CKAP2L: variants seen among roughly 807,000 people sequenced by gnomAD.
CKAP2L encodes the protein cytoskeleton-associated protein 2-like.
A neutral mutation model predicts 65.7 loss-of-function variants in CKAP2L; 42 were observed. The observed-to-expected ratio is 0.64, with a 90% confidence interval of 0.50 to 0.83. CKAP2L has a LOEUF of 0.83. Ranked by LOEUF, CKAP2L falls within the 40% of genes least tolerant of loss-of-function variation. CKAP2L has a pLI of 0.00. For missense variants in CKAP2L, 908 were observed against 871.0 expected (o/e 1.04, Z -0.53); for synonymous variants, 325 against 313.5 (o/e 1.04, Z -0.39).
rs1293999931 is a variant in CKAP2L at position 112,756,172 on chromosome 2, C to A, written c.1199G>T (p.Gly400Val). 11 of 1,613,896 alleles carry A rather than the reference C, an allele frequency of 6.8e-6. No individual in the cohort carries two copies. The highest frequency in any genetic ancestry group is 1.3e-5 in the African/African-American group (1 of 74,896). Residue 400 changes from glycine (G) to valine (V), a missense_variant, in exon 4 of 9, where the codon GGA (glycine) becomes GTA (valine). Gly to Val is a moderately radical substitution (Grantham distance 109). Transcript: ENST00000302450. ...ATTGTTATGTTTATTACCACTGGTT[C>A]CATTTGGTCTTATGCTAGGGGTGCT... ...IPSTPSIRPNGTSGNKHNNNG... is the reference protein window; with the variant it reads ...IPSTPSIRPNVTSGNKHNNNG...
At chr2:112,740,015 T>A (rs1679786655) in intron 8 of CKAP2L, among the ~76,000 whole-genome samples, 1 of 152,148 alleles carries the variant, frequency 6.6e-6, no homozygotes, top group Non-Finnish European at 1.5e-5. Flanking sequence ...AGTGCAATGG[T>A]GCAATCTTGG....
At chr2:112,740,665 G>A (rs1256873440) in intron 8 of CKAP2L, among the ~76,000 whole-genome samples, 153 bp downstream of exon 8, 2 of 152,080 alleles carry the variant, frequency 1.3e-5, no homozygotes, top group South Asian at 2.1e-4. Flanking sequence ...ACCATAGGAC[G>A]GGGGTGAATG....
chr2:112,756,541 G>A lies in CKAP2L; in HGVS notation c.830C>T (p.Thr277Met), dbSNP rs1452096705. ...LARPGVKPSR[T>M]VPSHFIRTLS... ...GGTCCGAATAAAGTGAGAGGGAACC[G>A]TCCTTGAGGGTTTTACTCCTGGTCT... The change falls in exon 4 of 9, where the codon ACG (threonine) becomes ATG (methionine). Residue 277 changes from threonine to methionine, a missense_variant. Thr to Met is a moderately conservative substitution (Grantham distance 81). Transcript: ENST00000302450. The A allele has an allele frequency of 1.6e-5, 26 of 1,610,014 alleles. No homozygotes were observed. Among genetic ancestry groups the A allele is most frequent in the Middle Eastern group, 3.3e-4 (2 of 6,020 alleles).
Position 112,742,352 on chromosome 2 carries a change from T to C in CKAP2L, c.1822+354A>G, listed in dbSNP as rs555508962. The stretch of plus-strand genomic sequence containing the variant: ...AGCGTAACACAAATTTAGATGAGTA[T>C]GTTGGTGGGTTTATTATGATTAAAC... On this transcript the variant is annotated intron_variant, in intron 7 of 8. Coordinates refer to ENST00000302450, the MANE Select transcript of CKAP2L (RefSeq NM_152515.5). 57 of 716,874 alleles carry C rather than the reference T, an allele frequency of 8.0e-5. No individual in the cohort carries two copies. In the East Asian group the frequency reaches 1.5e-3, roughly 19 times the overall value. The allele number at this position is 716,874 out of a possible 1,614,324, so 44.4% of individuals were successfully genotyped here. A position where few individuals can be genotyped will look rare whatever the true frequency, so the allele number is the denominator to read the frequency against.
chr2:112,740,554 C>A (rs1679854469), intron 8 of CKAP2L, among the ~76,000 whole-genome samples: 1 of 152,200 alleles, frequency 6.6e-6, no homozygotes, highest in Non-Finnish European at 1.5e-5. Flanking sequence ...ACTTTGTGCC[C>A]CATCTTATCA....
chr2:112,759,405 A>G (rs1205587231), intron 3 of CKAP2L, among the ~76,000 whole-genome samples: 1 of 152,224 alleles, frequency 6.6e-6, no homozygotes, highest in African/African-American at 2.4e-5. Context: ...AATGATGACT[A>G]TTATTTACAT....
chr2:112,756,852 G>A lies in CKAP2L; in HGVS notation c.519C>T (p.Asn173=), dbSNP rs775664936. The A allele has an allele frequency of 1.9e-5, 30 of 1,603,610 alleles. 1 individual carries two copies. The highest frequency in any genetic ancestry group is 1.0e-4 in the South Asian group (9 of 88,756). ...IDFMNNIHVE[N]ESLDNFLKET... The stretch of plus-strand genomic sequence containing the variant: ...CTTTTAGAAAGTTATCCAAAGATTC[G>A]TTTTCAACATGGATATTATTCATAA... Residue 173 remains asparagine (N), a synonymous_variant, in exon 4 of 9, where the codon AAC becomes AAT. Transcript: ENST00000302450.
intron 6 of CKAP2L, among the ~76,000 whole-genome samples, chr2:112,745,866 TG>T (rs1680185937): frequency 1.3e-5 from 2 of 152,152 alleles, no homozygotes; most frequent in African/African-American, 2.4e-5. Context: ...TCTGCATAGC[TG>T]GAAGTCCATA....
At chr2:112,759,560 C>T (rs558888278) in intron 3 of CKAP2L, among the ~76,000 whole-genome samples, 1 of 152,274 alleles carries the variant, frequency 6.6e-6, no homozygotes, top group Non-Finnish European at 1.5e-5. Context: ...TCCAGAGAAG[C>T]CTCTGGGAAG....
At chr2:112,741,358 G>T (rs1292207077) in intron 7 of CKAP2L, among the ~76,000 whole-genome samples, 1 of 152,072 alleles carries the variant, frequency 6.6e-6, no homozygotes, top group Non-Finnish European at 1.5e-5. Flanking sequence ...ACCACACCTT[G>T]GATCAATTTT....
chr2:112,743,355 G>A (rs1213575102), intron 6 of CKAP2L, among the ~76,000 whole-genome samples: 1 of 151,980 alleles, frequency 6.6e-6, no homozygotes, highest in Non-Finnish European at 1.5e-5. Flanking sequence ...TGTTAGCCAG[G>A]ATGGTCTCGA....
At chr2:112,755,640 T>C (rs1489313046) in intron 4 of CKAP2L, among the ~76,000 whole-genome samples, 1 of 152,044 alleles carries the variant, frequency 6.6e-6, no homozygotes, top group Non-Finnish European at 1.5e-5. Context: ...ACTTATCTGC[T>C]CTATTGCTGT....
Position 112,738,536 on chromosome 2 carries a change from A to C in CKAP2L, c.*287T>G. The C allele has an allele frequency of 2.9e-6, 1 of 343,632 alleles. No homozygotes were observed. The highest frequency in any genetic ancestry group is 6.1e-5 in the East Asian group (1 of 16,300). 21.3% of individuals were successfully genotyped at this position (343,632 alleles called of 1,614,324 possible). A position where few individuals can be genotyped will look rare whatever the true frequency, so the allele number is the denominator to read the frequency against. On this transcript the variant is annotated 3_prime_UTR_variant, in exon 9 of 9. Transcript: ENST00000302450. ...TGATATAAAAAACTATGTTGGGATT[A>C]AAGTAGATCAATAAAGTATAAATAT...
At chr2:112,739,349 A>C (rs569286999) in intron 8 of CKAP2L, among the ~76,000 whole-genome samples, 28 of 152,268 alleles carry the variant, frequency 1.8e-4, no homozygotes, top group African/African-American at 6.5e-4. Context: ...TGAGCCCAGA[A>C]GGTCAAGGCT....
At chr2:112,744,147 C>G (rs1680124793) in intron 6 of CKAP2L, among the ~76,000 whole-genome samples, 1 of 152,062 alleles carries the variant, frequency 6.6e-6, no homozygotes, top group Non-Finnish European at 1.5e-5. Context: ...ATTTGTATAG[C>G]CTTCTGGTTA....
chr2:112,743,521 T>C (rs1391663634), intron 6 of CKAP2L, among the ~76,000 whole-genome samples: 1 of 151,932 alleles, frequency 6.6e-6, no homozygotes, highest in Non-Finnish European at 1.5e-5. Context: ...CACCACAAAC[T>C]CCACTTCCAG....
chr2:112,758,703 T>G (rs114579732), intron 3 of CKAP2L, among the ~76,000 whole-genome samples: 2,894 of 152,328 alleles, frequency 0.019, 90 homozygotes, highest in African/African-American at 0.066. Flanking sequence ...ATGTGTTTTT[T>G]TAGTTGCTTT....
Position 112,764,585 on chromosome 2 carries a change from C to G in CKAP2L, c.14G>C (p.Gly5Ala), listed in dbSNP as rs1406743312. ...ACCGACAGCGGCAGCAGCGGTAGGCCCGGGCCCCACCATGACTCTTCAGTG... is the reference window on the plus strand; with the variant it reads ...ACCGACAGCGGCAGCAGCGGTAGGCGCGGGCCCCACCATGACTCTTCAGTG... MVGPGPTAAAAVEER... is the reference protein window; with the variant it reads MVGPAPTAAAAVEER... The change falls in exon 1 of 9, where the codon GGG becomes GCG. Residue 5 changes from glycine (G) to alanine (A), a missense_variant. Coordinates refer to ENST00000302450, the MANE Select transcript of CKAP2L (RefSeq NM_152515.5). The G allele has an allele frequency of 6.2e-7, 1 of 1,614,204 alleles. No individual in the cohort carries two copies. The highest frequency in any genetic ancestry group is 1.1e-5 in the South Asian group (1 of 91,084).
At chr2:112,746,914 A>T (rs988343754) in intron 5 of CKAP2L, among the ~76,000 whole-genome samples, 2 of 151,836 alleles carry the variant, frequency 1.3e-5, no homozygotes, top group African/African-American at 4.8e-5. Flanking sequence ...CAGCCTCCCC[A>T]GTAGCTGGGA....
Sources: gnomAD v4.1 joint callset for allele counts (sites outside exome capture counted in the v4.1 genomes callset) on GRCh38, gnomAD v4.1.1 for gene constraint, MANE v1.5 for transcripts, NCBI Gene and HGNC (gene_info 2026-07-23, HGNC 2026-07-21) for gene names.